Variants in PCDH9 observed in about 807,000 individuals in gnomAD.
PCDH9 encodes the protein protocadherin 9.
In PCDH9, 24 loss-of-function variants were observed where a neutral mutation model predicts 70.6. The ratio of observed to expected loss-of-function variants is 0.34; its 90% CI spans 0.25 to 0.48. The LOEUF (loss-of-function observed/expected upper bound fraction) is 0.48. PCDH9 is among the 20% of genes least tolerant of loss of function. PCDH9 has a pLI of 0.99. For synonymous variants in PCDH9, 562 were observed against 558.5 expected, an observed-to-expected ratio of 1.01 and a Z score of -0.09; for missense variants, 1,281 against 1,503.6, an observed-to-expected ratio of 0.85 and a Z score of 2.45.
intron 3 of PCDH9, among the ~76,000 whole-genome samples, chr13:66,809,006 G>A (rs1240486020): frequency 2.6e-5 from 4 of 152,160 alleles, no homozygotes; most frequent in African/African-American, 9.7e-5. Context: ...GGAGTGCGGT[G>A]GCGCTATCTC....
rs1175660641 is a variant in PCDH9, at chr13:66,423,579, C to T, written c.3341-118551G>A. ...TAAACAGAACCAATGACAAAAGCCA[C>T]ATGATTATCCCAAAAGATGTAGAAA... On this transcript the variant is annotated intron_variant, in intron 4 of 4. Coordinates refer to ENST00000377865, the MANE Select transcript of PCDH9 (RefSeq NM_203487.3). Among the ~76,000 whole-genome samples, 7 of 152,236 alleles carry T rather than the reference C, an allele frequency of 4.6e-5. No homozygotes were observed. In the East Asian group the frequency reaches 1.4e-3, roughly 29 times the overall value.
chr13:66,390,306 C>G (rs989353121), intron 4 of PCDH9, among the ~76,000 whole-genome samples: 1 of 152,128 alleles, frequency 6.6e-6, no homozygotes, highest in Non-Finnish European at 1.5e-5. Context: ...TCCATTTCTT[C>G]TTCACTCTCA....
At chr13:67,086,969 A>C (rs1332128451) in intron 2 of PCDH9, among the ~76,000 whole-genome samples, 3 of 152,124 alleles carry the variant, frequency 2.0e-5, no homozygotes, top group Middle Eastern at 3.4e-3. Context: ...GCAGAGAATA[A>C]AACTTTAATC....
At chr13:67,149,516 G>C (rs931447990) in intron 2 of PCDH9, among the ~76,000 whole-genome samples, 1 of 151,844 alleles carries the variant, frequency 6.6e-6, no homozygotes, top group East Asian at 1.9e-4. Flanking sequence ...GGAAAGGAAG[G>C]AAACAAATCT....
intron 3 of PCDH9, among the ~76,000 whole-genome samples, chr13:66,658,974 TC>T (rs2077969861): frequency 1.3e-5 from 2 of 152,116 alleles, no homozygotes; most frequent in Non-Finnish European, 2.9e-5. Flanking sequence ...AAAACTAGCC[TC>T]CTCCAAGTCA....
intron 3 of PCDH9, among the ~76,000 whole-genome samples, chr13:66,867,491 G>C (rs1482503522): frequency 1.6e-4 from 25 of 152,072 alleles, no homozygotes; most frequent in Admixed American, 1.6e-3. Flanking sequence ...TCATATGAAT[G>C]ATCAAATGCA....
intron 4 of PCDH9, among the ~76,000 whole-genome samples, chr13:66,623,797 C>A (rs1164549440): frequency 6.6e-6 from 1 of 152,124 alleles, no homozygotes; most frequent in African/African-American, 2.4e-5. Flanking sequence ...ACTTATAATA[C>A]TATCTAATTT....
intron 2 of PCDH9, chr13:67,204,000 T>A (rs1464380059): frequency 6.6e-6 from 1 of 152,090 alleles, no homozygotes; most frequent in African/African-American, 2.4e-5. Flanking sequence ...AAAAATCTTA[T>A]TAAAACTTCA....
intron 4 of PCDH9, among the ~76,000 whole-genome samples, chr13:66,629,741 T>G (rs930593694): frequency 1.3e-5 from 2 of 152,094 alleles, no homozygotes; most frequent in East Asian, 3.8e-4. Context: ...TTGCCTTGAG[T>G]AGAGAAAATT....
At position 66,820,053 on chromosome 13, in the gene PCDH9, A is replaced by G. The variant is rs114911332; in HGVS notation, c.3138+83451T>C. Among the ~76,000 whole-genome samples the G allele has an allele frequency of 8.7e-3, 1,319 of 152,306 alleles. 18 individuals are homozygous for G. Among genetic ancestry groups the G allele is most frequent in the African/African-American group, 0.03 (1,244 of 41,562 alleles). ...CTCTTCATTGGAAGTAATTTTTAAG[A>G]TAAGTATGATATAATGAATAATCAA... On this transcript the variant is annotated intron_variant, in intron 3 of 4. Coordinates refer to ENST00000377865, the MANE Select transcript of PCDH9 (RefSeq NM_203487.3).
At chr13:66,662,675 C>T (rs193187647) in intron 3 of PCDH9, among the ~76,000 whole-genome samples, 7 of 152,000 alleles carry the variant, frequency 4.6e-5, no homozygotes, top group South Asian at 4.2e-4. Context: ...AATGGATGGG[C>T]GAATGAAGAA....
intron 4 of PCDH9, among the ~76,000 whole-genome samples, chr13:66,308,224 CT>C (rs923695526): frequency 2.0e-5 from 3 of 151,784 alleles, no homozygotes; most frequent in African/African-American, 7.3e-5. Context: ...TTTCTTTAAA[CT>C]TTTTTTTACA....
chr13:66,486,492 C>T (rs561804533), intron 4 of PCDH9, among the ~76,000 whole-genome samples: 1 of 151,822 alleles, frequency 6.6e-6, no homozygotes, highest in South Asian at 2.1e-4. Context: ...AAAAATTAGC[C>T]AGGCATGATG....
chr13:66,668,463 C>G, intron 3 of PCDH9, among the ~76,000 whole-genome samples: 1 of 152,106 alleles, frequency 6.6e-6, no homozygotes, highest in Non-Finnish European at 1.5e-5. Flanking sequence ...ACTGAAGGAA[C>G]CTGAATCCTG....
At chr13:67,144,261 A>C (rs1566452996) in intron 2 of PCDH9, among the ~76,000 whole-genome samples, 1 of 152,186 alleles carries the variant, frequency 6.6e-6, no homozygotes, top group East Asian at 1.9e-4. Flanking sequence ...AAAGGTTTTA[A>C]AATGAAAGAG....
chr13:66,369,185 C>T (rs570867626), intron 4 of PCDH9, among the ~76,000 whole-genome samples: 1 of 152,192 alleles, frequency 6.6e-6, no homozygotes, highest in African/African-American at 2.4e-5. Flanking sequence ...TAAGGGTGAA[C>T]ATCTGTGCCC....
intron 4 of PCDH9, among the ~76,000 whole-genome samples, chr13:66,612,579 T>A (rs935764797): frequency 6.6e-6 from 1 of 152,192 alleles, no homozygotes; most frequent in Non-Finnish European, 1.5e-5. Context: ...ATTTAGAGCA[T>A]GCTTAGACTG....
intron 3 of PCDH9, among the ~76,000 whole-genome samples, chr13:66,790,614 T>C (rs2080149422): frequency 2.0e-5 from 3 of 152,090 alleles, no homozygotes; most frequent in Admixed American, 6.6e-5. Context: ...GGGGCCTGTT[T>C]AATGTTTTTA....
intron 2 of PCDH9, among the ~76,000 whole-genome samples, chr13:67,060,697 T>C (rs191069114): frequency 2.0e-3 from 305 of 152,192 alleles, no homozygotes; most frequent in Non-Finnish European, 3.0e-3. Context: ...TTAGTTTCCT[T>C]AAATCACTCT....
Sources: gnomAD v4.1 joint callset for allele counts (sites outside exome capture counted in the v4.1 genomes callset) on GRCh38, gnomAD v4.1.1 for gene constraint, MANE v1.5 for transcripts, NCBI Gene and HGNC (gene_info 2026-07-23, HGNC 2026-07-21) for gene names.